STARD13: variants seen among roughly 807,000 people sequenced by gnomAD.
STARD13 encodes the protein StAR related lipid transfer domain containing 13.
STARD13 carries 62 observed loss-of-function variants against 106.4 expected under a neutral mutation model. The ratio of observed to expected loss-of-function variants is 0.58; its 90% CI spans 0.48 to 0.72. The LOEUF is 0.72. Among genes scored for constraint, STARD13 ranks in the 30% least tolerant of loss-of-function variants. The probability of loss-of-function intolerance (pLI) is 0.00; values close to 1 mark genes in which losing one functional copy is unlikely to be tolerated. For synonymous variants in STARD13, 565 were observed against 553.0 expected (o/e 1.02, Z -0.31); for missense variants, 1,387 against 1,424.0 (o/e 0.97, Z 0.42).
chr13:33,233,260 A>AT (rs926822292), intron 1 of STARD13, among the ~76,000 whole-genome samples: 5 of 152,124 alleles, frequency 3.3e-5, no homozygotes, highest in African/African-American at 4.8e-5. Context: ...CCCTTCATCT[A>AT]TTTTACATAT....
chr13:33,152,787 AC>A (rs1881451830), intron 3 of STARD13, among the ~76,000 whole-genome samples: 1 of 152,354 alleles, frequency 6.6e-6, no homozygotes, highest in Admixed American at 6.5e-5. Context: ...GTGCTCAAGC[AC>A]AAGCCTTGAA....
At chr13:33,380,471 AC>A in the STARD13 span, among the ~76,000 whole-genome samples, 17 of 67,452 alleles carry the variant, frequency 2.5e-4, no homozygotes, top group African/African-American at 1.0e-3. Flanking sequence ...ACACACCCCC[AC>A]CCCCCACCCC....
intron 12 of STARD13, among the ~76,000 whole-genome samples, chr13:33,108,574 G>C (rs1243950415): frequency 6.6e-6 from 1 of 152,182 alleles, no homozygotes; most frequent in Admixed American, 6.5e-5. Context: ...AACCCCAAGA[G>C]AGCAGGAGAG....
chr13:33,234,482 G>A (rs1889088020), intron 1 of STARD13, among the ~76,000 whole-genome samples: 2 of 152,092 alleles, frequency 1.3e-5, no homozygotes, highest in South Asian at 2.1e-4. Flanking sequence ...GGCCGCAACT[G>A]GCCATGGAGT....
At chr13:33,556,536 T>C in the STARD13 span, among the ~76,000 whole-genome samples, 4 of 152,244 alleles carry the variant, frequency 2.6e-5, no homozygotes, top group African/African-American at 9.6e-5. Context: ...CCCACCTTAG[T>C]GTCCCAAAGC....
chr13:33,491,346 C>T, the STARD13 span, among the ~76,000 whole-genome samples: 4 of 152,160 alleles, frequency 2.6e-5, no homozygotes, highest in African/African-American at 9.7e-5. Context: ...ATTTGATTGT[C>T]TAAGATCAGA....
chr13:33,528,298 T>A, the STARD13 span, among the ~76,000 whole-genome samples: 11 of 122,522 alleles, frequency 9.0e-5, no homozygotes, highest in African/African-American at 4.4e-4. Flanking sequence ...TGAGATGCAG[T>A]CTCCTCTGTC....
chr13:33,430,915 T>C, the STARD13 span, among the ~76,000 whole-genome samples: 1 of 152,024 alleles, frequency 6.6e-6, no homozygotes, highest in African/African-American at 2.4e-5. Context: ...CTACAAAGGA[T>C]AGAAGGGAGG....
intron 1 of STARD13, among the ~76,000 whole-genome samples, chr13:33,308,498 TTTTTTC>T (rs1156593013): frequency 4.7e-5 from 7 of 148,288 alleles, no homozygotes; most frequent in Middle Eastern, 3.4e-3. Flanking sequence ...CTTTTCTTCC[TTTTTTC>T]TTTTTCTTTT....
the STARD13 span, among the ~76,000 whole-genome samples, chr13:33,464,029 ATATATATATATATG>A: frequency 1.4e-5 from 2 of 143,584 alleles, no homozygotes; most frequent in Non-Finnish European, 3.1e-5. Context: ...AAATACATAT[ATATATATATATATG>A]TATATGTATA....
intron 7 of STARD13, among the ~76,000 whole-genome samples, chr13:33,124,383 G>A (rs910539934): frequency 1.3e-5 from 2 of 152,198 alleles, no homozygotes; most frequent in Admixed American, 1.3e-4. Context: ...CGCGAGATGC[G>A]TGGCTCTATT....
At chr13:33,479,294 A>G in the STARD13 span, among the ~76,000 whole-genome samples, 1 of 152,244 alleles carries the variant, frequency 6.6e-6, no homozygotes, top group Non-Finnish European at 1.5e-5. Flanking sequence ...CAAACACGGC[A>G]TAACCCCTAT....
At chr13:33,310,149 C>T (rs1356106845) in intron 1 of STARD13, among the ~76,000 whole-genome samples, 1 of 152,182 alleles carries the variant, frequency 6.6e-6, no homozygotes, top group Admixed American at 6.5e-5. Context: ...GCAGCTGTTG[C>T]TCACTTGGTT....
the STARD13 span, among the ~76,000 whole-genome samples, chr13:33,494,460 C>T: frequency 6.6e-6 from 1 of 152,016 alleles, no homozygotes; most frequent in Non-Finnish European, 1.5e-5. Flanking sequence ...ATGAATAAAC[C>T]ACCACTTGCA....
intron 1 of STARD13, among the ~76,000 whole-genome samples, chr13:33,327,559 T>C (rs150854750): frequency 0.017 from 2,534 of 152,162 alleles, 74 homozygotes; most frequent in African/African-American, 0.057. Context: ...TTTGTAGAGA[T>C]GGGGTCTTGC....
chr13:33,127,656 G>C (rs1877415671), intron 5 of STARD13, 110 bp from the exon 6 acceptor site: 1 of 1,116,366 alleles, frequency 9.0e-7, no homozygotes, highest in Non-Finnish European at 1.2e-6. Context: ...GCCGAGCAAA[G>C]AAAATCGCAA....
At chr13:33,123,274 A>G (rs1876650640) in intron 7 of STARD13, among the ~76,000 whole-genome samples, 1 of 152,174 alleles carries the variant, frequency 6.6e-6, no homozygotes, top group South Asian at 2.1e-4. Flanking sequence ...TGAGTGGTGC[A>G]TTAGAATTCA....
At chr13:33,578,212 A>G in the STARD13 span, among the ~76,000 whole-genome samples, 1 of 152,176 alleles carries the variant, frequency 6.6e-6, no homozygotes, top group Non-Finnish European at 1.5e-5. Flanking sequence ...TAAGCAAAAG[A>G]ACAAATCTGG....
chr13:33,625,694 T>A, the STARD13 span, among the ~76,000 whole-genome samples: 1 of 151,634 alleles, frequency 6.6e-6, no homozygotes, highest in Non-Finnish European at 1.5e-5. Flanking sequence ...AGAAAGAGAA[T>A]TAACCTAATG....
Sources: gnomAD v4.1 joint callset for allele counts (sites outside exome capture counted in the v4.1 genomes callset) on GRCh38, gnomAD v4.1.1 for gene constraint, MANE v1.5 for transcripts, NCBI Gene and HGNC (gene_info 2026-07-23, HGNC 2026-07-21) for gene names.